NLRC5: variants seen among roughly 807,000 people sequenced by gnomAD.
NLRC5 encodes protein NLRC5.
In NLRC5, 114 loss-of-function variants were observed where a neutral mutation model predicts 206.9. The observed-to-expected ratio is 0.55, with a 90% CI of 0.47 to 0.64. NLRC5 has a LOEUF of 0.64. Among genes scored for constraint, NLRC5 ranks in the 30% least tolerant of loss-of-function variants. The pLI is 0.00. For missense variants in NLRC5, 2,008 were observed against 2,305.5 expected (o/e 0.87, Z 2.64); for synonymous variants, 952 against 962.8 (o/e 0.99, Z 0.21).
chr16:57,008,205 G>A lies in NLRC5; in HGVS notation c.-127-8869G>A, dbSNP rs972595895. ...GAGTTCAAGGCCAGCCTGGGCAACA[G>A]AGCAAGACCCCGCCTCTATTTTTTA... is the stretch of plus-strand genomic sequence containing the variant. On this transcript the variant is annotated intron_variant, in intron 1 of 48. Coordinates refer to ENST00000688547, the MANE Select transcript of NLRC5 (RefSeq NM_001384950.1). Among the ~76,000 whole-genome samples, 7 of 152,190 alleles carry A rather than the reference G, an allele frequency of 4.6e-5. No individual in the cohort carries two copies. In the East Asian group the frequency reaches 9.6e-4, roughly 21 times the overall value.
At chr16:57,010,249 G>A (rs894203917) in intron 1 of NLRC5, among the ~76,000 whole-genome samples, 29 of 152,140 alleles carry the variant, frequency 1.9e-4, no homozygotes, top group South Asian at 4.1e-4. Context: ...GCAAATATTC[G>A]CTATATTGTC....
rs1201883066 is a variant in NLRC5 at position 57,083,303 on chromosome 16, C to T, written c.*775C>T. 2 of 152,258 alleles carry T rather than the reference C, an allele frequency of 1.3e-5. No individual in the cohort carries two copies. The allele number at this position is 152,258 out of a possible 1,614,324, so 9.4% of individuals were successfully genotyped here. A position where few individuals can be genotyped will look rare whatever the true frequency, so the allele number is the denominator to read the frequency against. ...CGGGAGTGGAGAAGCCCAGTCTGTC[C>T]TATGTAAGGGACAAAGCCAGGTCTA... On this transcript the variant is annotated 3_prime_UTR_variant, in exon 49 of 49. Transcript: ENST00000688547.
At chr16:57,066,716 G>T in intron 34 of NLRC5, 102 bp downstream of exon 34, 1 of 1,083,750 alleles carries the variant, frequency 9.2e-7, no homozygotes, top group Admixed American at 1.9e-5. Flanking sequence ...GACCTTAGGG[G>T]TTCGAAGTCT....
chr16:57,055,395 CG>C (rs755474034), intron 26 of NLRC5, 37 bp from the exon 27 acceptor site: 2 of 1,596,118 alleles, frequency 1.3e-6, no homozygotes, highest in Non-Finnish European at 1.7e-6. Context: ...AGTGGCCAAA[CG>C]CCCCATCCCC....
chr16:57,066,688 T>A, intron 34 of NLRC5, 74 bp downstream of exon 34: 1 of 1,297,022 alleles, frequency 7.7e-7, no homozygotes, highest in Non-Finnish European at 1.1e-6. Flanking sequence ...CTGACCAATA[T>A]TCACCACCCT....
At chr16:57,044,452 C>T (rs1939439223) in intron 20 of NLRC5, among the ~76,000 whole-genome samples, 2 of 152,128 alleles carry the variant, frequency 1.3e-5, no homozygotes, top group Non-Finnish European at 2.9e-5. Context: ...GGCACCGCAT[C>T]CATGATTTTC....
chr16:57,026,903 C>G lies in NLRC5; in HGVS notation c.1960C>G (p.Leu654Val). 1 of 1,614,238 alleles carries G rather than the reference C, an allele frequency of 6.2e-7. No individual in the cohort carries two copies. ...ACTGACCTGCACCGACCTGGCCACC[C>G]TGACCAACATCCTAGAGCACAGGGA... is the stretch of plus-strand genomic sequence containing the variant. ...FPLTCTDLATLTNILEHREAP... is the reference protein window; with the variant it reads ...FPLTCTDLATVTNILEHREAP... The change falls in exon 6 of 49, where the codon CTG (leucine) becomes GTG (valine). Residue 654 changes from leucine (L) to valine (V), a missense_variant. Coordinates refer to ENST00000688547, the MANE Select transcript of NLRC5 (RefSeq NM_001384950.1).
intron 38 of NLRC5, 64 bp from the exon 39 acceptor site, chr16:57,074,536 G>C: frequency 6.9e-7 from 1 of 1,444,706 alleles, no homozygotes; most frequent in Non-Finnish European, 9.7e-7. Flanking sequence ...AGAGGCCTCA[G>C]ACCCCCAGAC....
intron 1 of NLRC5, among the ~76,000 whole-genome samples, chr16:56,996,735 G>T (rs1161639896): frequency 6.6e-6 from 1 of 152,134 alleles, no homozygotes; most frequent in Non-Finnish European, 1.5e-5. Context: ...ATGAGTACAG[G>T]TTATGTTCGT....
At chr16:57,030,614 AGATGGATG>A (rs66917392) in intron 10 of NLRC5, among the ~76,000 whole-genome samples, 8,831 of 141,120 alleles carry the variant, frequency 0.063, 496 homozygotes, top group African/African-American at 0.14. Context: ...GTGTGTGAAA[AGATGGATG>A]GATGGATGGA....
chr16:57,057,896 G>A (rs1007918851), intron 27 of NLRC5, among the ~76,000 whole-genome samples, 169 bp from the exon 28 acceptor site: 1 of 152,056 alleles, frequency 6.6e-6, no homozygotes, highest in African/African-American at 2.4e-5. Context: ...GACATTGGTG[G>A]TGGTGGTGAT....
intron 1 of NLRC5, chr16:57,013,901 AC>A: frequency 1.8e-6 from 1 of 548,182 alleles, no homozygotes. Flanking sequence ...TGCAGATTCT[AC>A]AAAATGCGGC....
chr16:57,011,824 G>GA (rs559517384), intron 1 of NLRC5, among the ~76,000 whole-genome samples: 6 of 151,550 alleles, frequency 4.0e-5, no homozygotes, highest in South Asian at 4.2e-4. Context: ...TTACTATACA[G>GA]AAAAAAAAGG....
chr16:57,012,554 C>T lies in NLRC5; in HGVS notation c.-127-4520C>T, dbSNP rs558850094. Among the ~76,000 whole-genome samples the T allele has an allele frequency of 6.6e-5, 10 of 152,252 alleles. No individual in the cohort carries two copies. The East Asian group carries it at 7.7e-4, about 12-fold the overall frequency. On this transcript the variant is annotated intron_variant, in intron 1 of 48. Coordinates refer to ENST00000688547, the MANE Select transcript of NLRC5 (RefSeq NM_001384950.1). ...TGAGCTCTGCCTCCTGTCGGATCAG[C>T]GGTGCCATTAGATTCTCATAGGAGC...
At chr16:57,030,649 TGGA>T (rs2061770850) in intron 10 of NLRC5, among the ~76,000 whole-genome samples, 1 of 151,644 alleles carries the variant, frequency 6.6e-6, no homozygotes, top group Admixed American at 6.6e-5. Flanking sequence ...GATGGATGGA[TGGA>T]TGGATGGATG....
At chr16:56,991,380 T>TA (rs2056824386) in intron 1 of NLRC5, among the ~76,000 whole-genome samples, 2 of 298 alleles carry the variant, frequency 6.7e-3, no homozygotes, top group African/African-American at 0.013. Context: ...TCTTTATTCC[T>TA]TTTTTTTTTT....
chr16:57,035,889 A>G (rs1203855671), intron 13 of NLRC5, among the ~76,000 whole-genome samples: 1 of 152,202 alleles, frequency 6.6e-6, no homozygotes, highest in Non-Finnish European at 1.5e-5. Flanking sequence ...TGCCCACGTC[A>G]TCGGCACTAT....
chr16:57,067,502 G>C lies in NLRC5; in HGVS notation c.4406+32G>C, dbSNP rs78599704. On this transcript the variant is annotated intron_variant, in intron 35 of 48. Transcript: ENST00000688547. ...GCCTGGAAACTCTGTGTGGGGCCCT[G>C]AGTTCTCTGGTTGACCCTGGTACCT... 6,662 of 1,603,182 alleles carry C rather than the reference G, an allele frequency of 4.2e-3. 226 individuals are homozygous for C. The African/African-American group carries it at 0.071, about 17-fold the overall frequency.
intron 32 of NLRC5, among the ~76,000 whole-genome samples, chr16:57,064,973 TA>T (rs2066928475): frequency 1.3e-5 from 2 of 152,242 alleles, no homozygotes; most frequent in African/African-American, 2.4e-5. Flanking sequence ...AAATATCATT[TA>T]AAAAATAATA....
Sources: allele counts gnomAD v4.1 joint callset (sites outside exome capture counted in the v4.1 genomes callset), GRCh38; gene constraint gnomAD v4.1.1; transcripts MANE v1.5; gene names NCBI Gene and HGNC (gene_info 2026-07-23, HGNC 2026-07-21).